SHCBP1L: variants seen among roughly 807,000 people sequenced by gnomAD.
The protein encoded by SHCBP1L is testicular spindle-associated protein SHCBP1L.
Under a neutral mutation model 62.5 loss-of-function variants are expected in SHCBP1L, and 67 were observed. The ratio of observed to expected loss-of-function variants is 1.07; its 90% CI spans 0.88 to 1.31. The LOEUF (loss-of-function observed/expected upper bound fraction) is 1.31, where lower values mean the gene tolerates loss of function less well. Ranked by LOEUF, SHCBP1L falls within the 40% of genes most tolerant of loss-of-function variation. The pLI is 0.00. For synonymous variants in SHCBP1L, 284 were observed against 289.4 expected (o/e 0.98, Z 0.19); for missense variants, 823 against 809.8 (o/e 1.02, Z -0.20).
chr1:182,933,775 G>A (rs1651084342), intron 5 of SHCBP1L, among the ~76,000 whole-genome samples: 1 of 152,086 alleles, frequency 6.6e-6, no homozygotes, highest in Non-Finnish European at 1.5e-5. Context: ...ATATTCATTA[G>A]TGATATTCGT....
At chr1:182,947,030 A>G (rs1440359438) in intron 2 of SHCBP1L, among the ~76,000 whole-genome samples, 1 of 152,124 alleles carries the variant, frequency 6.6e-6, no homozygotes, top group East Asian at 1.9e-4. Flanking sequence ...TGAGGTCAAG[A>G]GTTCGAGACC....
chr1:182,927,082 A>ACTC (rs1650782636), intron 6 of SHCBP1L, among the ~76,000 whole-genome samples: 1 of 46,674 alleles, frequency 2.1e-5, no homozygotes, highest in Non-Finnish European at 4.2e-5. Context: ...ATATATATAT[A>ACTC]TATATATATA....
intron 6 of SHCBP1L, among the ~76,000 whole-genome samples, chr1:182,917,726 T>C (rs1650398625): frequency 6.6e-6 from 1 of 152,142 alleles, no homozygotes; most frequent in Admixed American, 6.5e-5. Flanking sequence ...TTCCTTTCTT[T>C]TAAGGATATC....
chr1:182,952,180 AAAAAAAAAAAAATATAT>A (rs1651776425), intron 1 of SHCBP1L, among the ~76,000 whole-genome samples: 1 of 44,828 alleles, frequency 2.2e-5, no homozygotes, highest in Non-Finnish European at 3.9e-5. Flanking sequence ...AAAAAAAAAA[AAAAAAAAAAAAATATAT>A]ATATATATAT....
intron 6 of SHCBP1L, among the ~76,000 whole-genome samples, chr1:182,916,787 T>C (rs964091869): frequency 6.6e-6 from 1 of 152,156 alleles, no homozygotes; most frequent in Non-Finnish European, 1.5e-5. Context: ...ATCAGATAGC[T>C]TCATTGATAA....
chr1:182,906,249 T>C (rs1650009283), intron 6 of SHCBP1L, among the ~76,000 whole-genome samples: 1 of 150,744 alleles, frequency 6.6e-6, no homozygotes, highest in Non-Finnish European at 1.5e-5. Flanking sequence ...TAAGTATTAT[T>C]ACCCCCGCTA....
chr1:182,907,735 C>T (rs1197887231), intron 6 of SHCBP1L, among the ~76,000 whole-genome samples: 1 of 152,004 alleles, frequency 6.6e-6, no homozygotes, highest in Non-Finnish European at 1.5e-5. Context: ...TGTGCCACTG[C>T]ACCCGGCTAA....
In SHCBP1L at chr1:182,940,480, G is replaced by T. The variant is rs1368647803; in HGVS notation, c.619C>A (p.Pro207Thr). 1 of 1,613,914 alleles carries T rather than the reference G, an allele frequency of 6.2e-7. No individual in the cohort carries two copies. The highest frequency in any genetic ancestry group is 8.5e-7 in the Non-Finnish European group (1 of 1,179,952). The change falls in exon 3 of 10, where the codon CCC (proline) becomes ACC (threonine). Residue 207 changes from proline to threonine, a missense_variant. Coordinates refer to ENST00000367547, the MANE Select transcript of SHCBP1L (RefSeq NM_030933.4). ...ATATTTGCAATGTTGGAAGAAAAGG[G>T]CTCAGCAACAGAAACAGTAACTTTG... ...RFKVTVSVAE[P>T]FSSNIANIPR... is the part of the protein sequence containing the mutation.
chr1:182,918,025 G>A (rs1438751376), intron 6 of SHCBP1L, among the ~76,000 whole-genome samples: 5 of 150,772 alleles, frequency 3.3e-5, no homozygotes, highest in Non-Finnish European at 5.9e-5. Flanking sequence ...AAAACTTACT[G>A]TTTGCAGATG....
intron 6 of SHCBP1L, among the ~76,000 whole-genome samples, chr1:182,923,932 G>A (rs751244416): frequency 6.6e-6 from 1 of 152,190 alleles, no homozygotes; most frequent in Non-Finnish European, 1.5e-5. Flanking sequence ...AATAGGAAGA[G>A]GGGAAGTCAA....
At chr1:182,924,178 C>T (rs559546102) in intron 6 of SHCBP1L, among the ~76,000 whole-genome samples, 5 of 151,846 alleles carry the variant, frequency 3.3e-5, no homozygotes, top group Admixed American at 6.6e-5. Context: ...ATACAGCTAA[C>T]GAGGGAAGTG....
At chr1:182,908,131 C>A (rs1571337280) in intron 6 of SHCBP1L, among the ~76,000 whole-genome samples, 1 of 147,740 alleles carries the variant, frequency 6.8e-6, no homozygotes, top group African/African-American at 2.4e-5. Flanking sequence ...TTTTTCAAAG[C>A]CTATTTTTTT....
At chr1:182,920,683 G>C (rs570280256) in intron 6 of SHCBP1L, among the ~76,000 whole-genome samples, 8 of 152,212 alleles carry the variant, frequency 5.3e-5, no homozygotes, top group African/African-American at 1.9e-4. Flanking sequence ...CAATACAAGA[G>C]CTGGAAGATG....
Position 182,900,133 on chromosome 1 carries a change from T to C in SHCBP1L, c.1812A>G (p.Val604=). The C allele has an allele frequency of 6.2e-7, 1 of 1,612,502 alleles. No individual in the cohort carries two copies. Among genetic ancestry groups the C allele is most frequent in the Non-Finnish European group, 8.5e-7 (1 of 1,179,118 alleles). The part of the protein sequence containing the change: ...ILQPMEQFFI[V]AEEALNKRAS... ...CCCTTTTGTTGAGAGCTTCTTCTGCTACGATAAAAAACTGTTCCATTGGTT... is the reference window on the plus strand; with the variant it reads ...CCCTTTTGTTGAGAGCTTCTTCTGCCACGATAAAAAACTGTTCCATTGGTT... Residue 604 remains valine, a synonymous_variant, in exon 10 of 10, where the codon GTA becomes GTG. Coordinates refer to ENST00000367547, the MANE Select transcript of SHCBP1L (RefSeq NM_030933.4).
Position 182,905,567 on chromosome 1 carries a change from G to A in SHCBP1L, c.1265C>T (p.Thr422Ile), listed in dbSNP as rs970541760. 2 of 1,613,700 alleles carry A rather than the reference G, an allele frequency of 1.2e-6. No individual in the cohort carries two copies. The highest frequency in any genetic ancestry group is 1.7e-6 in the Non-Finnish European group (2 of 1,179,780). Residue 422 changes from threonine to isoleucine, a missense_variant, in exon 7 of 10, where the codon ACA (threonine) becomes ATA (isoleucine). Transcript: ENST00000367547. ...ATATTCTCCTGGAAAAATTATTACTGTATCTCCACTATAACAATTATCCAA... is the reference window on the plus strand; with the variant it reads ...ATATTCTCCTGGAAAAATTATTACTATATCTCCACTATAACAATTATCCAA... ...LALDNCYSGD[T>I]VIIFPGEYQA...
intron 2 of SHCBP1L, among the ~76,000 whole-genome samples, chr1:182,944,957 CTTT>C (rs11309339): frequency 3.7e-5 from 4 of 109,042 alleles, no homozygotes; most frequent in African/African-American, 1.5e-4. Flanking sequence ...TTCTTTCTTT[CTTT>C]TTTTTTTTTT....
chr1:182,924,788 GAGA>G (rs1650655722), intron 6 of SHCBP1L, among the ~76,000 whole-genome samples: 2 of 93,000 alleles, frequency 2.2e-5, no homozygotes, highest in Admixed American at 2.2e-4. Flanking sequence ...AAGAAAGAAA[GAGA>G]GAAAGAAAGG....
intron 6 of SHCBP1L, among the ~76,000 whole-genome samples, chr1:182,924,268 C>A (rs371496378): frequency 1.3e-3 from 190 of 151,700 alleles, no homozygotes; most frequent in African/African-American, 4.4e-3. Context: ...AATGGAAAAA[C>A]ATTCCATGCT....
rs777022666 is a variant in SHCBP1L, at chr1:182,939,555, T to C, written c.771-2A>G. 1.8e-5 allele frequency: 29 copies of C among 1,593,782 alleles called. No individual in the cohort carries two copies. In the East Asian group the frequency reaches 5.8e-4, roughly 32 times the overall value. ...CTCCAAAGAAAGTCATAAAAAAACC[T>C]ACGATAAACCAAATTAAGATGACAG... On this transcript the variant is annotated splice_acceptor_variant, in intron 3 of 9. Transcript: ENST00000367547. LOFTEE classifies it high-confidence loss of function.
Sources: gnomAD v4.1 joint callset for allele counts (sites outside exome capture counted in the v4.1 genomes callset) on GRCh38, gnomAD v4.1.1 for gene constraint, MANE v1.5 for transcripts, NCBI Gene and HGNC (gene_info 2026-07-23, HGNC 2026-07-21) for gene names.